SEC63: variants seen among roughly 807,000 people sequenced by gnomAD.
The protein encoded by SEC63 is translocation protein SEC63 homolog.
In SEC63, 56 loss-of-function variants were observed where a neutral mutation model predicts 116.2. That is an observed-to-expected ratio of 0.48 (90% CI 0.39 to 0.60). The LOEUF is 0.60. Among genes scored for constraint, SEC63 ranks in the 20% least tolerant of loss-of-function variants. The pLI is 0.00. For missense variants in SEC63, 668 were observed against 900.0 expected (o/e 0.74, Z 3.30); for synonymous variants, 273 against 294.6 (o/e 0.93, Z 0.75).
chr6:107,938,846 C>CCCACGCCCAGCTAGT (rs1770312172), intron 1 of SEC63, among the ~76,000 whole-genome samples: 1 of 152,150 alleles, frequency 6.6e-6, no homozygotes, highest in Admixed American at 6.6e-5. Context: ...TGAGCCACCG[C>CCCACGCCCAGCTAGT]CCACGCCCAG....
chr6:107,872,890 G>C lies in SEC63; in HGVS notation c.2057C>G (p.Pro686Arg). Reference sequence around the variant, plus strand: ...ATACTGATAATTTCCAGGCTTGCCTGGTGCAGGAAACTTCAGCTCTACCTA... The same window carrying C: ...ATACTGATAATTTCCAGGCTTGCCTCGTGCAGGAAACTTCAGCTCTACCTA... ...TEEVELKFPA[P>R]GKPGNYQYTV... is the part of the protein sequence containing the mutation. Residue 686 changes from proline (P) to arginine (R), a missense_variant, in exon 20 of 21, where the codon CCA becomes CGA. Transcript: ENST00000369002. 6.5e-7 allele frequency: 1 copy of C among 1,550,074 alleles called. No individual in the cohort carries two copies. Among genetic ancestry groups the C allele is most frequent in the South Asian group, 1.2e-5 (1 of 84,350 alleles).
intron 7 of SEC63, 160 bp downstream of exon 7, chr6:107,911,186 G>A: frequency 1.5e-6 from 1 of 647,640 alleles, no homozygotes; most frequent in South Asian, 1.8e-5. Context: ...CAAACACCTA[G>A]GCTCAAGCGA....
chr6:107,872,952 G>A (rs1402997742), intron 19 of SEC63, 40 bp from the exon 20 acceptor site: 14 of 1,284,632 alleles, frequency 1.1e-5, no homozygotes, highest in Non-Finnish European at 1.5e-5. Flanking sequence ...TGTATTATGG[G>A]GAGGAAACAG....
chr6:107,921,915 G>C lies in SEC63; in HGVS notation c.340-6C>G. On this transcript the variant is annotated splice_region_variant and splice_polypyrimidine_tract_variant and intron_variant, in intron 3 of 20. Coordinates refer to ENST00000369002, the MANE Select transcript of SEC63 (RefSeq NM_007214.5). ...ATTTCTGCTACTGTGGCTCCCTGGG[G>C]AAAAACAAAAAAAAAAAACAAGCTT... is the stretch of plus-strand genomic sequence containing the variant. The C allele has an allele frequency of 1.5e-5, 17 of 1,104,724 alleles. No individual in the cohort carries two copies. The highest frequency in any genetic ancestry group is 6.6e-5 in the African/African-American group (2 of 30,470). 68.4% of individuals were successfully genotyped at this position (1,104,724 alleles called of 1,614,324 possible). A position where few individuals can be genotyped will look rare whatever the true frequency, so the allele number is the denominator to read the frequency against.
rs1315643561 is a variant in SEC63 at position 107,911,382 on chromosome 6, A to G, written c.588T>C (p.Tyr196=). Residue 196 remains tyrosine, a synonymous_variant, in exon 7 of 21, where the codon TAT becomes TAC. Coordinates refer to ENST00000369002, the MANE Select transcript of SEC63 (RefSeq NM_007214.5). ...GAAGGATAACCATAAATGCCAATCC[A>G]TATACAAGTAAAACCTAAAATTGAA... is the stretch of plus-strand genomic sequence containing the variant. ...QKNSILVLLV[Y]GLAFMVILPV... is the part of the protein sequence containing the mutation. 2 of 1,607,006 alleles carry G rather than the reference A, an allele frequency of 1.2e-6. No individual in the cohort carries two copies. The highest frequency in any genetic ancestry group is 2.2e-5 in the East Asian group (1 of 44,832).
At chr6:107,916,687 T>A (rs924654192) in intron 4 of SEC63, among the ~76,000 whole-genome samples, 1 of 152,234 alleles carries the variant, frequency 6.6e-6, no homozygotes, top group Non-Finnish European at 1.5e-5. Flanking sequence ...TCTCACAATA[T>A]ATCTAATGTT....
intron 7 of SEC63, among the ~76,000 whole-genome samples, chr6:107,910,054 T>C (rs953541206): frequency 1.3e-5 from 2 of 152,170 alleles, no homozygotes; most frequent in African/African-American, 4.8e-5. Context: ...AAAATGAATG[T>C]GTGTACATAA....
At chr6:107,882,939 C>G in intron 17 of SEC63, 49 bp downstream of exon 17, 1 of 1,255,450 alleles carries the variant, frequency 8.0e-7, no homozygotes, top group Non-Finnish European at 1.2e-6. Context: ...AAGCTATCAT[C>G]AGAGATATAA....
intron 4 of SEC63, among the ~76,000 whole-genome samples, chr6:107,921,059 A>G (rs1404178613): frequency 1.3e-5 from 2 of 152,236 alleles, no homozygotes; most frequent in African/African-American, 4.8e-5. Flanking sequence ...TTAACTAAGA[A>G]TAATCTTGTG....
Position 107,906,572 on chromosome 6 carries a change from T to C in SEC63, c.837A>G (p.Arg279=). 1 of 1,612,694 alleles carries C rather than the reference T, an allele frequency of 6.2e-7. No homozygotes were observed. The highest frequency in any genetic ancestry group is 8.5e-7 in the Non-Finnish European group (1 of 1,178,846). ...TCTTTAAATTAATGCTGCCAATTTC[T>C]CTGATTAGCTAGAATAAATAAAATA... ...TDNILIPQLI[R]EIGSINLKKN... Residue 279 remains arginine, a synonymous_variant, in exon 10 of 21, where the codon AGA becomes AGG. Transcript: ENST00000369002.
chr6:107,911,118 G>T, intron 7 of SEC63: 1 of 548,604 alleles, frequency 1.8e-6, no homozygotes, highest in Non-Finnish European at 3.2e-6. Context: ...TTCAGTTGGG[G>T]TCTCACTCTG....
intron 1 of SEC63, among the ~76,000 whole-genome samples, chr6:107,952,823 T>C (rs1313878616): frequency 6.6e-6 from 1 of 152,230 alleles, no homozygotes; most frequent in Non-Finnish European, 1.5e-5. Flanking sequence ...GAGCAAACCT[T>C]TTCATGCTTT....
intron 19 of SEC63, 89 bp downstream of exon 19, chr6:107,876,475 T>C: frequency 1.2e-6 from 1 of 848,802 alleles, no homozygotes; most frequent in Non-Finnish European, 2.0e-6. Flanking sequence ...CTAAATATGA[T>C]AAACTTTTTA....
intron 13 of SEC63, among the ~76,000 whole-genome samples, chr6:107,898,176 T>C (rs1199775608): frequency 6.0e-5 from 9 of 150,946 alleles, no homozygotes; most frequent in Admixed American, 5.3e-4. Context: ...AGGTGGAGGA[T>C]AGCTTGAACC....
intron 8 of SEC63, among the ~76,000 whole-genome samples, chr6:107,907,390 T>C (rs1159160941): frequency 6.6e-6 from 1 of 152,012 alleles, no homozygotes; most frequent in Non-Finnish European, 1.5e-5. Context: ...GAGACCAAGC[T>C]GGCCAAAATG....
chr6:107,951,907 A>G (rs958514911), intron 1 of SEC63, among the ~76,000 whole-genome samples: 1 of 149,948 alleles, frequency 6.7e-6, no homozygotes, highest in African/African-American at 2.5e-5. Flanking sequence ...CAGGAGGCAG[A>G]CCTTGCAGTG....
At chr6:107,949,671 C>G (rs1222404267) in intron 1 of SEC63, among the ~76,000 whole-genome samples, 2 of 152,090 alleles carry the variant, frequency 1.3e-5, no homozygotes, top group Non-Finnish European at 2.9e-5. Context: ...CTTCTGTCAT[C>G]CAGGTTGGAG....
At chr6:107,928,002 G>T (rs752374448) in intron 2 of SEC63, among the ~76,000 whole-genome samples, 1 of 151,954 alleles carries the variant, frequency 6.6e-6, no homozygotes, top group Non-Finnish European at 1.5e-5. Context: ...CCGCAGATAT[G>T]GGGGGGAGGG....
intron 19 of SEC63, 117 bp downstream of exon 19, chr6:107,876,447 C>T (rs529383794): frequency 4.0e-5 from 28 of 705,154 alleles, no homozygotes; most frequent in African/African-American, 1.2e-4. Context: ...ATGCAGGCAA[C>T]GAATAGAATA....
Sources: allele counts gnomAD v4.1 joint callset (sites outside exome capture counted in the v4.1 genomes callset), GRCh38; gene constraint gnomAD v4.1.1; transcripts MANE v1.5; gene names NCBI Gene and HGNC (gene_info 2026-07-23, HGNC 2026-07-21).